Variants in SLC9A6 observed in about 807,000 individuals in gnomAD.
SLC9A6 encodes the protein sodium/hydrogen exchanger 6.
SLC9A6 carries 6 observed loss-of-function variants against 45.3 expected under a neutral mutation model. The observed-to-expected ratio is 0.13, with a 90% CI of 0.07 to 0.26. SLC9A6 has a LOEUF of 0.26. SLC9A6 is among the 10% of genes least tolerant of loss of function. The pLI, the probability that SLC9A6 is intolerant of heterozygous loss-of-function variation, is 1.00. For synonymous variants in SLC9A6, 191 were observed against 187.7 expected, an observed-to-expected ratio of 1.02 and a Z score of -0.14; for missense variants, 278 against 503.7, an observed-to-expected ratio of 0.55 and a Z score of 4.29.
At chrX:135,992,180 G>A (rs782199342) in intron 2 of SLC9A6, among the ~76,000 whole-genome samples, 1 of 111,430 alleles carries the variant, frequency 9.0e-6, no homozygotes, top group African/African-American at 3.3e-5. Context: ...CGGTGCTCAG[G>A]CCAACTTACC....
At chrX:135,985,926 C>T in intron 2 of SLC9A6, 99 bp downstream of exon 2, 1 of 1,008,826 alleles carries the variant, frequency 9.9e-7, no homozygotes, top group Non-Finnish European at 1.4e-6. Flanking sequence ...CTACGTTCGG[C>T]TCCCCTTCTA....
At chrX:136,020,580 A>T (rs1556619820) in intron 11 of SLC9A6, among the ~76,000 whole-genome samples, 1 of 111,277 alleles carries the variant, frequency 9.0e-6, no homozygotes, top group Non-Finnish European at 1.9e-5. Context: ...CATGTTGGCC[A>T]CTCTGGTCTT....
intron 15 of SLC9A6, among the ~76,000 whole-genome samples, chrX:136,031,361 G>A (rs1243740487): frequency 8.9e-6 from 1 of 112,529 alleles, no homozygotes; most frequent in Non-Finnish European, 1.9e-5. Context: ...AGTGCCAGTC[G>A]TGACATACAG....
intron 6 of SLC9A6, among the ~76,000 whole-genome samples, chrX:135,999,753 G>A (rs1169971979): frequency 8.9e-6 from 1 of 111,809 alleles, no homozygotes; most frequent in Non-Finnish European, 1.9e-5. Context: ...TTGAACTAAG[G>A]ATGGAAATTT....
chrX:136,034,309 T>G (rs1382181161), intron 16 of SLC9A6, among the ~76,000 whole-genome samples: 1 of 110,485 alleles, frequency 9.1e-6, no homozygotes. Context: ...ACATACTCCT[T>G]ATGAGAATCT....
At chrX:136,034,762 A>G (rs968640862) in intron 16 of SLC9A6, among the ~76,000 whole-genome samples, 50 of 111,953 alleles carry the variant, frequency 4.5e-4, no homozygotes, top group African/African-American at 1.6e-3. Flanking sequence ...AAATTATTGT[A>G]TGGAAACAAG....
At chrX:136,039,356 C>T (rs2071468288) in intron 16 of SLC9A6, among the ~76,000 whole-genome samples, 1 of 109,928 alleles carries the variant, frequency 9.1e-6, no homozygotes, top group South Asian at 3.9e-4. Flanking sequence ...TGTCTGTATC[C>T]TTTTCTCCTT....
At chrX:135,977,596 C>T (rs1320112387) in intron 1 of SLC9A6, among the ~76,000 whole-genome samples, 3 of 111,775 alleles carry the variant, frequency 2.7e-5, no homozygotes, top group African/African-American at 9.8e-5. Flanking sequence ...GGCACAAAAC[C>T]TTTCTTTGAG....
Position 136,040,076 on chromosome X carries a change from C to G in SLC9A6, c.1662C>G (p.Asn554Lys). The change falls in exon 17 of 18, where the codon AAC (asparagine) becomes AAG (lysine). Residue 554 changes from asparagine (N) to lysine (K), a missense_variant and splice_region_variant. Physicochemically the swap from Asn to Lys is moderately conservative, Grantham distance 94. This residue lies in a region of SLC9A6 where 91 missense variants were observed against 125.1 expected (regional missense o/e 0.73). Coordinates refer to ENST00000630721, the MANE Select transcript of SLC9A6 (RefSeq NM_001379110.1). The part of the protein sequence containing the change: ...LFRMWYNFDH[N>K]YLKPLLTHSG... ...CACAGCTCTTCCTTAACCACCGCAG[C>G]TATCTGAAGCCTCTGCTGACCCACA... 8.3e-7 allele frequency: 1 copy of G among 1,203,372 alleles called. No homozygotes were observed. The highest frequency in any genetic ancestry group is 1.1e-6 in the Non-Finnish European group (1 of 888,157).
chrX:136,014,089 T>TA (rs1556618988), intron 10 of SLC9A6, among the ~76,000 whole-genome samples: 1 of 111,491 alleles, frequency 9.0e-6, no homozygotes, highest in Admixed American at 9.6e-5. Context: ...TCTTAGGAGG[T>TA]ATGTGGGACA....
intron 2 of SLC9A6, among the ~76,000 whole-genome samples, chrX:135,986,098 C>G (rs1556614944): frequency 9.1e-6 from 1 of 110,425 alleles, no homozygotes; most frequent in African/African-American, 3.3e-5. Flanking sequence ...CCACCCTTTC[C>G]CTGCCTACCA....
At chrX:135,987,772 C>T (rs782512640) in intron 2 of SLC9A6, among the ~76,000 whole-genome samples, 12 of 111,036 alleles carry the variant, frequency 1.1e-4, no homozygotes, top group South Asian at 3.8e-4. Context: ...CCTAGATTCC[C>T]GTCACACTCT....
At position 136,044,857 on chromosome X, in the gene SLC9A6, G is replaced by C. The variant is rs1256330726; in HGVS notation, c.*133G>C. 12 of 567,592 alleles carry C rather than the reference G, an allele frequency of 2.1e-5. No individual in the cohort carries two copies. In the East Asian group the frequency reaches 3.8e-4, roughly 18 times the overall value. 46.8% of individuals were successfully genotyped at this position (567,592 alleles called of 1,213,427 possible). ...AAATGCTATTTATATGGCATAGAAA[G>C]AATATAAATATCCTGTACACGGCAG... On this transcript the variant is annotated 3_prime_UTR_variant, in exon 18 of 18. Transcript: ENST00000630721.
At chrX:136,015,811 G>C (rs1385022561) in intron 10 of SLC9A6, among the ~76,000 whole-genome samples, 1 of 111,729 alleles carries the variant, frequency 9.0e-6, no homozygotes, top group Non-Finnish European at 1.9e-5. Flanking sequence ...CAAAGGGGAA[G>C]ACAGGGCTCA....
intron 7 of SLC9A6, 113 bp downstream of exon 7, chrX:136,002,326 G>A (rs1005176834): frequency 1.0e-5 from 6 of 578,379 alleles, no homozygotes; most frequent in East Asian, 3.4e-5. Context: ...GAAGAATGAG[G>A]CATTTTTTTC....
intron 7 of SLC9A6, among the ~76,000 whole-genome samples, chrX:136,003,284 C>T (rs1411667219): frequency 2.7e-5 from 3 of 112,569 alleles, no homozygotes; most frequent in African/African-American, 6.5e-5. Flanking sequence ...CCACCACGCC[C>T]GGCCTAGATA....
chrX:135,997,498 C>T (rs1340850873), intron 3 of SLC9A6, among the ~76,000 whole-genome samples: 1 of 103,450 alleles, frequency 9.7e-6, no homozygotes, highest in East Asian at 3.0e-4. Context: ...ATCTCTGCCT[C>T]CCGAGTTCAA....
At chrX:135,992,627 C>A (rs1556615905) in intron 2 of SLC9A6, among the ~76,000 whole-genome samples, 1 of 111,907 alleles carries the variant, frequency 8.9e-6, no homozygotes, top group Admixed American at 9.5e-5. Context: ...CTACTATTCC[C>A]CTACGTGGAA....
chrX:135,985,030 A>G (rs1403440591), upstream of SLC9A6: 2 of 110,962 alleles, frequency 1.8e-5, no homozygotes, highest in South Asian at 3.9e-4. Flanking sequence ...TGAGGACAAT[A>G]CAAGGAGAAT....
Sources: allele counts gnomAD v4.1 joint callset (sites outside exome capture counted in the v4.1 genomes callset), GRCh38; gene constraint gnomAD v4.1.1; regional missense constraint gnomAD v4.1.1; transcripts MANE v1.5; gene names NCBI Gene and HGNC (gene_info 2026-07-23, HGNC 2026-07-21).